Variants in CLASP2 observed in about 807,000 individuals in gnomAD.
CLASP2 encodes the protein CLIP-associating protein 2.
A neutral mutation model predicts 194.4 loss-of-function variants in CLASP2; 47 were observed. The observed-to-expected ratio is 0.24, with a 90% confidence interval of 0.19 to 0.31. The LOEUF is 0.31. Ranked by LOEUF, CLASP2 falls within the 10% of genes least tolerant of loss-of-function variation. The probability of loss-of-function intolerance (pLI) is 1.00; values close to 1 mark genes in which losing one functional copy is unlikely to be tolerated. For missense variants in CLASP2, 1,445 were observed against 1,823.6 expected (o/e 0.79, Z 3.78); for synonymous variants, 619 against 633.5 (o/e 0.98, Z 0.34).
intron 6 of CLASP2, among the ~76,000 whole-genome samples, chr3:33,666,825 C>T (rs547908604): frequency 1.3e-5 from 2 of 152,284 alleles, no homozygotes; most frequent in South Asian, 2.1e-4. Flanking sequence ...TTCCCAATGG[C>T]AATGTATGAG....
At chr3:33,572,067 T>A (rs1346010272) in intron 25 of CLASP2, among the ~76,000 whole-genome samples, 1 of 152,238 alleles carries the variant, frequency 6.6e-6, no homozygotes, top group Admixed American at 6.5e-5. Context: ...TTTTCTTAAA[T>A]GTTGCTACTG....
At chr3:33,623,076 G>C (rs563320331) in intron 10 of CLASP2, among the ~76,000 whole-genome samples, 1 of 152,222 alleles carries the variant, frequency 6.6e-6, no homozygotes, top group African/African-American at 2.4e-5. Flanking sequence ...CCCAGCAGGA[G>C]TGAGCCACTA....
At chr3:33,583,301 G>A (rs1219783914) in intron 22 of CLASP2, among the ~76,000 whole-genome samples, 1 of 152,186 alleles carries the variant, frequency 6.6e-6, no homozygotes, top group African/African-American at 2.4e-5. Context: ...CACAGCAAAT[G>A]AAAACGTGGC....
intron 28 of CLASP2, among the ~76,000 whole-genome samples, chr3:33,559,623 G>A (rs1040454153): frequency 3.4e-4 from 52 of 152,264 alleles, no homozygotes; most frequent in African/African-American, 1.2e-3. Context: ...GGCCGGGAGC[G>A]GTGGCTCACG....
At position 33,498,635 on chromosome 3, in the gene CLASP2, CTT is replaced by C. The variant is rs755140386; in HGVS notation, c.4515_4516del (p.Ser1506LeufsTer23). ...GGTTCGCTGTGATGAGCTTCACTAA[CTT>C]TGTCCAGAAACATCAGTAGTGGGAT... On this transcript the variant is annotated frameshift_variant, in exon 39 of 39. Transcript: ENST00000682230. LOFTEE classifies it high-confidence loss of function. 2 of 1,607,690 alleles carry C rather than the reference CTT, an allele frequency of 1.2e-6. No individual in the cohort carries two copies. Among genetic ancestry groups the C allele is most frequent in the Non-Finnish European group, 8.5e-7 (1 of 1,175,370 alleles).
chr3:33,662,557 T>G (rs1041203922), intron 7 of CLASP2, among the ~76,000 whole-genome samples: 3 of 152,164 alleles, frequency 2.0e-5, no homozygotes, highest in Non-Finnish European at 4.4e-5. Context: ...ACTCACTTAC[T>G]CCATCTGACT....
At chr3:33,712,511 A>T (rs531020273) in intron 1 of CLASP2, among the ~76,000 whole-genome samples, 7 of 151,922 alleles carry the variant, frequency 4.6e-5, no homozygotes, top group East Asian at 1.9e-4. Context: ...ATTATAATAA[A>T]TTTTTTTTTA....
intron 18 of CLASP2, chr3:33,602,345 A>AT (rs2072485744): frequency 1.8e-6 from 1 of 555,358 alleles, no homozygotes; most frequent in South Asian, 2.5e-5. Context: ...AGATTTTTAG[A>AT]TTAGGTATGC....
At chr3:33,707,849 G>A (rs997743949) in intron 1 of CLASP2, among the ~76,000 whole-genome samples, 1 of 152,118 alleles carries the variant, frequency 6.6e-6, no homozygotes, top group African/African-American at 2.4e-5. Flanking sequence ...TAGAGACTGA[G>A]GGGGAAACAT....
At chr3:33,526,740 C>T (rs1180411617) in intron 34 of CLASP2, among the ~76,000 whole-genome samples, 1 of 152,154 alleles carries the variant, frequency 6.6e-6, no homozygotes, top group East Asian at 1.9e-4. Context: ...ATAAAACAAT[C>T]CTCAAGAAAA....
At chr3:33,702,151 G>A (rs1279658064) in intron 1 of CLASP2, among the ~76,000 whole-genome samples, 1 of 152,118 alleles carries the variant, frequency 6.6e-6, no homozygotes, top group Non-Finnish European at 1.5e-5. Context: ...AAATTCATAT[G>A]AAAATTCAAG....
chr3:33,675,216 G>A (rs1326887277), intron 6 of CLASP2, among the ~76,000 whole-genome samples: 2 of 151,578 alleles, frequency 1.3e-5, no homozygotes, highest in African/African-American at 2.4e-5. Context: ...GAATCCAGCA[G>A]CACATCAAAA....
chr3:33,653,399 T>C (rs2083562684), intron 7 of CLASP2, among the ~76,000 whole-genome samples: 2 of 152,072 alleles, frequency 1.3e-5, no homozygotes, highest in Admixed American at 1.3e-4. Flanking sequence ...ATTTAACAGA[T>C]GTTTTTTTCT....
chr3:33,691,966 T>G (rs943487827), intron 2 of CLASP2, among the ~76,000 whole-genome samples: 5 of 152,098 alleles, frequency 3.3e-5, no homozygotes, highest in African/African-American at 4.8e-5. Flanking sequence ...GGCCAGGAGT[T>G]TGAGATCAGC....
At chr3:33,607,277 G>A in intron 15 of CLASP2, 107 bp downstream of exon 15, 1 of 675,776 alleles carries the variant, frequency 1.5e-6, no homozygotes, top group South Asian at 2.6e-5. Context: ...TTTTACTGGA[G>A]GGCTAGTCAA....
At chr3:33,577,795 CT>C (rs1177894815) in intron 23 of CLASP2, among the ~76,000 whole-genome samples, 4 of 152,084 alleles carry the variant, frequency 2.6e-5, no homozygotes, top group Admixed American at 2.6e-4. Flanking sequence ...GGATTAGTGC[CT>C]TTACAAAAGA....
At chr3:33,522,739 G>T (rs1283981933) in intron 34 of CLASP2, among the ~76,000 whole-genome samples, 1 of 152,108 alleles carries the variant, frequency 6.6e-6, no homozygotes, top group Non-Finnish European at 1.5e-5. Context: ...AAACCAAAAA[G>T]AAATTCTGGA....
intron 6 of CLASP2, among the ~76,000 whole-genome samples, chr3:33,669,687 C>G (rs1438679454): frequency 6.6e-6 from 1 of 151,878 alleles, no homozygotes; most frequent in African/African-American, 2.4e-5. Context: ...TATTTGTAAT[C>G]AGAAAAATGC....
chr3:33,696,194 C>T (rs1575651189), intron 2 of CLASP2, among the ~76,000 whole-genome samples: 1 of 149,206 alleles, frequency 6.7e-6, no homozygotes, highest in East Asian at 2.0e-4. Flanking sequence ...ATAATTTATT[C>T]TTATTGTATT....
Sources: gnomAD v4.1 joint callset for allele counts (sites outside exome capture counted in the v4.1 genomes callset) on GRCh38, gnomAD v4.1.1 for gene constraint, MANE v1.5 for transcripts, NCBI Gene and HGNC (gene_info 2026-07-23, HGNC 2026-07-21) for gene names.